The following IGSF10 variants were observed in gnomAD, a reference collection of about 807,000 sequenced individuals.
IGSF10 encodes the protein immunoglobulin superfamily member 10, also known as calvaria mechanical force protein 608.
IGSF10 carries 126 observed loss-of-function variants against 128.2 expected under a neutral mutation model. That is an observed-to-expected ratio of 0.98 (90% CI 0.85 to 1.14). IGSF10 has a LOEUF of 1.14. IGSF10 is among the 50% of genes most tolerant of loss of function. IGSF10 has a pLI of 0.00. For synonymous variants in IGSF10, 1,185 were observed against 1,146.2 expected (o/e 1.03, Z -0.68); for missense variants, 3,295 against 3,149.8 (o/e 1.05, Z -1.10).
At chr3:151,477,097 G>T in the IGSF10 span, among the ~76,000 whole-genome samples, 1 of 152,170 alleles carries the variant, frequency 6.6e-6, no homozygotes, top group African/African-American at 2.4e-5. Context: ...TTTGAATAGG[G>T]TAAGGTCTAG....
chr3:151,460,579 GT>G (rs750726784), intron 1 of IGSF10, among the ~76,000 whole-genome samples: 2 of 152,186 alleles, frequency 1.3e-5, no homozygotes, highest in Non-Finnish European at 2.9e-5. Context: ...CCTCAGTAGT[GT>G]ACTTAATACT....
the IGSF10 span, among the ~76,000 whole-genome samples, chr3:151,531,330 C>CA: frequency 1.3e-5 from 2 of 152,152 alleles, no homozygotes; most frequent in Non-Finnish European, 2.9e-5. Flanking sequence ...CTGGACCAAG[C>CA]AGACCTAATA....
At chr3:151,576,515 C>T in the IGSF10 span, among the ~76,000 whole-genome samples, 4 of 152,142 alleles carry the variant, frequency 2.6e-5, no homozygotes, top group Non-Finnish European at 5.9e-5. Flanking sequence ...TTTAATCAAA[C>T]AGACAATTCG....
the IGSF10 span, among the ~76,000 whole-genome samples, chr3:151,569,550 G>A: frequency 1.3e-5 from 2 of 152,052 alleles, no homozygotes; most frequent in African/African-American, 4.8e-5. Flanking sequence ...ATTTAAGTAG[G>A]GGTATTGCAA....
At chr3:151,590,293 G>A in the IGSF10 span, among the ~76,000 whole-genome samples, 13,241 of 152,188 alleles carry the variant, frequency 0.087, 770 homozygotes, top group Non-Finnish European at 0.13. Context: ...TTCTGCCTTA[G>A]CCTTCCAAAG....
the IGSF10 span, among the ~76,000 whole-genome samples, chr3:151,534,801 ATGTG>A: frequency 8.0e-5 from 12 of 149,180 alleles, no homozygotes; most frequent in East Asian, 7.9e-4. Flanking sequence ...TTTAAAGTGT[ATGTG>A]TGTGTGTGTG....
the IGSF10 span, among the ~76,000 whole-genome samples, chr3:151,544,691 C>CTT: frequency 1.4e-5 from 2 of 138,542 alleles, no homozygotes; most frequent in African/African-American, 2.6e-5. Flanking sequence ...GATTTTCTCT[C>CTT]TTTTTTTTTT....
Position 151,453,624 on chromosome 3 carries a change from G to T in IGSF10, c.475C>A (p.His159Asn), listed in dbSNP as rs769326265. 6.2e-7 allele frequency: 1 copy of T among 1,614,000 alleles called. No individual in the cohort carries two copies. Among genetic ancestry groups the T allele is most frequent in the South Asian group, 1.1e-5 (1 of 91,072 alleles). The part of the protein sequence containing the change: ...FYGLNFLRLV[H>N]LEGNQLTKLH... ...TTAGTGAGCTGATTTCCTTCCAAGT[G>T]CACCAGGCGGAGAAAGTTGAGCCCA... The change falls in exon 5 of 8, where the codon CAC (histidine) becomes AAC (asparagine). Residue 159 changes from histidine to asparagine, a missense_variant. Transcript: ENST00000282466.
chr3:151,481,830 C>T, the IGSF10 span, among the ~76,000 whole-genome samples: 1 of 152,268 alleles, frequency 6.6e-6, no homozygotes, highest in Admixed American at 6.5e-5. Context: ...AATCTGTTAA[C>T]TAAAGAGGAT....
the IGSF10 span, among the ~76,000 whole-genome samples, chr3:151,533,512 C>G: frequency 2.0e-5 from 3 of 152,286 alleles, no homozygotes; most frequent in South Asian, 6.2e-4. Flanking sequence ...CATCTACAAC[C>G]ATCTGATCTT....
the IGSF10 span, among the ~76,000 whole-genome samples, chr3:151,577,043 C>A: frequency 6.6e-6 from 1 of 152,168 alleles, no homozygotes; most frequent in Admixed American, 6.5e-5. Context: ...GGCTGAACCT[C>A]AGCTTTGGAG....
In IGSF10 at chr3:151,445,123, C is replaced by G; in HGVS notation, c.4858G>C (p.Asp1620His). Residue 1620 changes from aspartate to histidine, a missense_variant, in exon 6 of 8, where the codon GAC becomes CAC. Transcript: ENST00000282466. ...WDGQKNTKKS[D>H]FDKKPVQEAT... ...TCTTGAACTGGTTTCTTATCAAAGT[C>G]ACTCTTCTTTGTGTTCTTCTGTCCA... is the stretch of plus-strand genomic sequence containing the variant. 6.2e-7 allele frequency: 1 copy of G among 1,614,132 alleles called. No homozygotes were observed. Among genetic ancestry groups the G allele is most frequent in the African/African-American group, 1.3e-5 (1 of 75,038 alleles).
At chr3:151,469,234 A>C in the IGSF10 span, among the ~76,000 whole-genome samples, 1 of 152,172 alleles carries the variant, frequency 6.6e-6, no homozygotes, top group South Asian at 2.1e-4. Context: ...AATGATTTAC[A>C]TTCCTTTGGG....
At position 151,438,509 on chromosome 3, in the gene IGSF10, C is replaced by T. The variant is rs1166593998; in HGVS notation, c.6052G>A (p.Ala2018Thr). 2 of 1,614,018 alleles carry T rather than the reference C, an allele frequency of 1.2e-6. No individual in the cohort carries two copies. The highest frequency in any genetic ancestry group is 8.5e-7 in the Non-Finnish European group (1 of 1,180,008). ...EKDSGVYLCVARNKMGDDLIL... is the reference protein window; with the variant it reads ...EKDSGVYLCVTRNKMGDDLIL... The stretch of plus-strand genomic sequence containing the variant: ...AGATCATCCCCCATTTTGTTTCTTG[C>T]CACACACAAGTAGACACCACTGTCT... The change falls in exon 8 of 8, where the codon GCA (alanine) becomes ACA (threonine). Residue 2018 changes from alanine to threonine, a missense_variant. Transcript: ENST00000282466.
Position 151,438,271 on chromosome 3 carries a change from G to GTA in IGSF10, c.6288_6289dup (p.Thr2097IlefsTer16). 6.2e-7 allele frequency: 1 copy of GTA among 1,614,122 alleles called. No homozygotes were observed. The highest frequency in any genetic ancestry group is 8.5e-7 in the Non-Finnish European group (1 of 1,180,006). On this transcript the variant is annotated frameshift_variant, in exon 8 of 8. Transcript: ENST00000282466. LOFTEE classifies it low-confidence loss of function (END_TRUNC). ...GTATAAAGTTCCATTGTTGAAAAGG[G>GTA]TATATCTCCTAGTCCTGTGGCCACT...
At chr3:151,518,055 CA>C in the IGSF10 span, among the ~76,000 whole-genome samples, 1 of 151,816 alleles carries the variant, frequency 6.6e-6, no homozygotes, top group Non-Finnish European at 1.5e-5. Flanking sequence ...AGAGGATGAC[CA>C]AAAGGGGTAA....
the IGSF10 span, among the ~76,000 whole-genome samples, chr3:151,609,777 G>C: frequency 6.6e-6 from 1 of 152,136 alleles, no homozygotes; most frequent in East Asian, 1.9e-4. Context: ...TTATAAGTGG[G>C]AGCAAAACAT....
chr3:151,435,615 C>T (rs1720067023), downstream of IGSF10: 1 of 68,358 alleles, frequency 1.5e-5, no homozygotes, highest in African/African-American at 4.4e-5. Context: ...TATAAAGCTC[C>T]TATAATTCTT....
chr3:151,509,025 T>G, the IGSF10 span, among the ~76,000 whole-genome samples: 1 of 152,210 alleles, frequency 6.6e-6, no homozygotes, highest in African/African-American at 2.4e-5. Flanking sequence ...TGATGCAGCG[T>G]CTGAAAACTT....
Sources: gnomAD v4.1 joint callset for allele counts (sites outside exome capture counted in the v4.1 genomes callset) on GRCh38, gnomAD v4.1.1 for gene constraint, MANE v1.5 for transcripts, NCBI Gene and HGNC (gene_info 2026-07-23, HGNC 2026-07-21) for gene names.